IFT56: variants seen among roughly 807,000 people sequenced by gnomAD.
The protein encoded by IFT56 is intraflagellar transport 56, also known as intraflagellar transport protein 56.
chr7:139,183,311 G>A, the IFT56 span, among the ~76,000 whole-genome samples: 37,605 of 152,016 alleles, frequency 0.25, 8,404 homozygotes, highest in African/African-American at 0.57. Context: ...GGAGTCATAC[G>A]ACTCAACATA....
chr7:139,179,602 T>C, the IFT56 span: 8 of 1,613,990 alleles, frequency 5.0e-6, no homozygotes, highest in South Asian at 1.1e-5. Context: ...AGTGAGAAGA[T>C]GAAAAATGAT....
the IFT56 span, chr7:139,179,604 A>C: frequency 6.2e-7 from 1 of 1,614,008 alleles, no homozygotes; most frequent in South Asian, 1.1e-5. Flanking sequence ...TGAGAAGATG[A>C]AAAATGATTA....
At chr7:139,161,763 C>G in the IFT56 span, among the ~76,000 whole-genome samples, 1 of 152,148 alleles carries the variant, frequency 6.6e-6, no homozygotes, top group Non-Finnish European at 1.5e-5. Context: ...CTATTCTCTT[C>G]TTGTTGGCAG....
the IFT56 span, among the ~76,000 whole-genome samples, chr7:139,180,199 C>T: frequency 1.2e-4 from 18 of 152,022 alleles, no homozygotes; most frequent in African/African-American, 2.2e-4. Context: ...TAGCCGGGCG[C>T]GGTGGTGGGC....
At chr7:139,137,759 G>GTTCA in the IFT56 span, 4 of 974,728 alleles carry the variant, frequency 4.1e-6, no homozygotes, top group Admixed American at 2.3e-5. Context: ...ATTGCCTGTT[G>GTTCA]TCAGTAACCC....
the IFT56 span, chr7:139,189,365 A>G: frequency 1.7e-5 from 27 of 1,613,456 alleles, no homozygotes; most frequent in Non-Finnish European, 2.3e-5. Context: ...AGCACAGGTA[A>G]CACCCAAGTA....
the IFT56 span, among the ~76,000 whole-genome samples, chr7:139,149,812 C>A: frequency 6.6e-6 from 1 of 152,060 alleles, no homozygotes; most frequent in Non-Finnish European, 1.5e-5. Flanking sequence ...ATTATTACCT[C>A]CTTTTGTTTC....
At chr7:139,188,085 C>CTTT in the IFT56 span, among the ~76,000 whole-genome samples, 1 of 137,652 alleles carries the variant, frequency 7.3e-6, no homozygotes. Context: ...TATACTTTTT[C>CTTT]TTTTTTTTTT....
At chr7:139,146,060 T>C in the IFT56 span, among the ~76,000 whole-genome samples, 1 of 152,210 alleles carries the variant, frequency 6.6e-6, no homozygotes, top group Middle Eastern at 3.2e-3. Context: ...ATTTGTATCA[T>C]AGTATATATT....
chr7:139,168,172 C>T, the IFT56 span, among the ~76,000 whole-genome samples: 1 of 151,990 alleles, frequency 6.6e-6, no homozygotes, highest in Non-Finnish European at 1.5e-5. Context: ...CTGCTGGAAA[C>T]TAAATGAGTG....
At chr7:139,169,630 A>G in the IFT56 span, among the ~76,000 whole-genome samples, 1 of 152,242 alleles carries the variant, frequency 6.6e-6, no homozygotes, top group Non-Finnish European at 1.5e-5. Context: ...CTGAGTTTTC[A>G]AGAGCTCTTT....
the IFT56 span, among the ~76,000 whole-genome samples, chr7:139,153,730 T>C: frequency 6.3e-4 from 96 of 152,358 alleles, no homozygotes; most frequent in African/African-American, 2.2e-3. Context: ...TTTCCATTCA[T>C]CAGTTGATAG....
chr7:139,174,291 A>T, the IFT56 span: 1 of 565,392 alleles, frequency 1.8e-6, no homozygotes, highest in Admixed American at 1.9e-5. Flanking sequence ...AGGGCGTCCC[A>T]CGGGAGCCCA....
the IFT56 span, among the ~76,000 whole-genome samples, chr7:139,146,627 C>T: frequency 5.3e-5 from 8 of 151,966 alleles, no homozygotes; most frequent in African/African-American, 1.2e-4. Context: ...ATTAGCCGGG[C>T]GTGGTGGCAT....
At chr7:139,188,337 G>A in the IFT56 span, among the ~76,000 whole-genome samples, 1 of 152,040 alleles carries the variant, frequency 6.6e-6, no homozygotes, top group African/African-American at 2.4e-5. Flanking sequence ...CTGACCTCAG[G>A]TGATCCTTCC....
chr7:139,170,615 A>G, the IFT56 span, among the ~76,000 whole-genome samples: 2 of 152,236 alleles, frequency 1.3e-5, no homozygotes, highest in Non-Finnish European at 2.9e-5. Flanking sequence ...TGATCATTTC[A>G]ATTGATGCTG....
the IFT56 span, among the ~76,000 whole-genome samples, chr7:139,138,387 TATC>T: frequency 6.6e-6 from 1 of 152,204 alleles, no homozygotes; most frequent in Non-Finnish European, 1.5e-5. Context: ...AATTAAACTT[TATC>T]ATAGGTGTGT....
chr7:139,161,610 C>A, the IFT56 span, among the ~76,000 whole-genome samples: 1 of 152,198 alleles, frequency 6.6e-6, no homozygotes, highest in Non-Finnish European at 1.5e-5. Flanking sequence ...TGAGATTCTT[C>A]ATCCAGAAGT....
the IFT56 span, chr7:139,173,845 G>A: frequency 2.4e-4 from 174 of 712,186 alleles, 3 homozygotes; most frequent in South Asian, 2.6e-3. Flanking sequence ...AGAACTTCAG[G>A]TATTTCTATA....
Sources: gnomAD v4.1 joint callset for allele counts (sites outside exome capture counted in the v4.1 genomes callset) on GRCh38, gnomAD v4.1.1 for gene constraint, MANE v1.5 for transcripts, NCBI Gene and HGNC (gene_info 2026-07-23, HGNC 2026-07-21) for gene names.